The following PIP5K1C variants were observed in gnomAD, a reference collection of about 807,000 sequenced individuals.
PIP5K1C encodes the protein phosphatidylinositol-4-phosphate 5-kinase type 1 gamma.
In PIP5K1C, 45 loss-of-function variants were observed where a neutral mutation model predicts 80.1. The observed-to-expected ratio is 0.56, with a 90% CI of 0.44 to 0.72. The LOEUF (loss-of-function observed/expected upper bound fraction) is 0.72, where lower values mean the gene tolerates loss of function less well. Among genes scored for constraint, PIP5K1C ranks in the 30% least tolerant of loss-of-function variants. The pLI, the probability that PIP5K1C is intolerant of heterozygous loss-of-function variation, is 0.00. For missense variants in PIP5K1C, 753 were observed against 954.6 expected (o/e 0.79, Z 2.78); for synonymous variants, 498 against 420.1 (o/e 1.19, Z -2.27).
chr19:3,649,905 C>T (rs1352188713), intron 8 of PIP5K1C: 5 of 274,822 alleles, frequency 1.8e-5, no homozygotes, highest in African/African-American at 4.6e-5. Context: ...TGAGGCCACA[C>T]GTGCAGCAGT....
intron 6 of PIP5K1C, 96 bp from the exon 7 acceptor site, chr19:3,653,685 C>G: frequency 8.5e-7 from 1 of 1,175,114 alleles, no homozygotes; most frequent in Non-Finnish European, 1.2e-6. Flanking sequence ...CTCATGGATG[C>G]CCCTGGCCAG....
Position 3,633,501 on chromosome 19 carries a change from C to T in PIP5K1C, c.1940G>A (p.Trp647Ter), listed in dbSNP as rs761112659. ...GCTATAGTGGAGCGGGGAGTACACC[C>T]AGCTCCTCTCATCGGTGGGCTGGCA... is the stretch of plus-strand genomic sequence containing the variant. ...DIYFPTDERSWVYSPLHYSAQ... is the reference protein window; with the variant it reads ...DIYFPTDERS Residue 647 changes from tryptophan to a stop codon, truncating the protein, a stop_gained, in exon 17 of 18, where the codon TGG becomes TAG. Coordinates refer to ENST00000335312, the MANE Select transcript of PIP5K1C (RefSeq NM_012398.3). LOFTEE classifies it high-confidence loss of function. The T allele has an allele frequency of 1.3e-6, 2 of 1,499,548 alleles. No homozygotes were observed. Among genetic ancestry groups the T allele is most frequent in the South Asian group, 1.4e-5 (1 of 72,770 alleles). The allele number at this position is 1,499,548 out of a possible 1,614,324, so 92.9% of individuals were successfully genotyped here.
chr19:3,645,821 T>TCTC (rs2034189423), intron 11 of PIP5K1C, among the ~76,000 whole-genome samples, 153 bp downstream of exon 11: 1 of 151,970 alleles, frequency 6.6e-6, no homozygotes, highest in Admixed American at 6.5e-5. Context: ...CTACCCTACC[T>TCTC]CCGGATGAGG....
At chr19:3,697,045 T>TGGACCGGGGAGGACC in intron 1 of PIP5K1C, among the ~76,000 whole-genome samples, 1 of 140,460 alleles carries the variant, frequency 7.1e-6, no homozygotes, top group East Asian at 2.2e-4. Flanking sequence ...AAAGGAGGAC[T>TGGACCGGGGAGGACC]GAGCTGGACC....
At chr19:3,643,184 GCCCCGCC>G in intron 13 of PIP5K1C, 52 bp downstream of exon 13, 1 of 1,603,606 alleles carries the variant, frequency 6.2e-7, no homozygotes, top group Non-Finnish European at 8.5e-7. Flanking sequence ...TGCAGTGAAT[GCCCCGCC>G]CCCACGCACA....
At position 3,660,993 on chromosome 19, in the gene PIP5K1C, G is replaced by A. The variant is rs771293871; in HGVS notation, c.441C>T (p.Leu147=). ...APVAFRYFRE[L]FGIRPDDYLY... ...AGTAATCATCTGGCCGGATCCCAAA[G>A]AGCTCCCGGAAGTAGCGGAAGGCGA... Residue 147 remains leucine, a synonymous_variant, in exon 5 of 18, where the codon CTC becomes CTT. Transcript: ENST00000335312. 2 of 1,613,850 alleles carry A rather than the reference G, an allele frequency of 1.2e-6. No individual in the cohort carries two copies. The highest frequency in any genetic ancestry group is 2.2e-5 in the South Asian group (2 of 91,066).
chr19:3,644,817 CTGTG>C (rs560870739), intron 11 of PIP5K1C, among the ~76,000 whole-genome samples: 1 of 152,208 alleles, frequency 6.6e-6, no homozygotes, highest in African/African-American at 2.4e-5. Flanking sequence ...GTCCTCAGTG[CTGTG>C]TGAGCTCTGC....
intron 1 of PIP5K1C, among the ~76,000 whole-genome samples, chr19:3,672,022 C>G (rs941095041): frequency 6.6e-6 from 1 of 152,196 alleles, no homozygotes; most frequent in Non-Finnish European, 1.5e-5. Context: ...GGCGGGGGCT[C>G]TGCCGCTGGG....
In PIP5K1C at chr19:3,637,621, G is replaced by A. The variant is rs1156594212; in HGVS notation, c.1920+1263C>T. On this transcript the variant is annotated intron_variant, in intron 16 of 17. Coordinates refer to ENST00000335312, the MANE Select transcript of PIP5K1C (RefSeq NM_012398.3). The surrounding 1 kb of genome is among the most constrained non-coding windows in gnomAD (Gnocchi z 7.0). ...GTACCTCCCATCCGTGAACTGGACGGGGCGGGCCGGGTGGGCCGGAGGAGG... is the reference window on the plus strand; with the variant it reads ...GTACCTCCCATCCGTGAACTGGACGAGGCGGGCCGGGTGGGCCGGAGGAGG... 1 of 1,523,278 alleles carries A rather than the reference G, an allele frequency of 6.6e-7. No homozygotes were observed. Among genetic ancestry groups the A allele is most frequent in the African/African-American group, 1.4e-5 (1 of 72,740 alleles). The allele number at this position is 1,523,278 out of a possible 1,614,324, so 94.4% of individuals were successfully genotyped here. A position where few individuals can be genotyped will look rare whatever the true frequency, so the allele number is the denominator to read the frequency against.
intron 12 of PIP5K1C, 24 bp downstream of exon 12, chr19:3,644,063 C>T (rs757253119): frequency 3.0e-5 from 48 of 1,608,920 alleles, no homozygotes; most frequent in Non-Finnish European, 3.4e-5. Flanking sequence ...CGCCCACAAG[C>T]GCACTCTGCC....
At chr19:3,634,721 G>A (rs935185951) in intron 16 of PIP5K1C, among the ~76,000 whole-genome samples, 1 of 152,202 alleles carries the variant, frequency 6.6e-6, no homozygotes, top group African/African-American at 2.4e-5. Flanking sequence ...TCACCTGCAG[G>A]AGCACTGCCT....
Position 3,653,281 on chromosome 19 carries a change from A to G in PIP5K1C, c.921+9T>C. The G allele has an allele frequency of 1.9e-6, 3 of 1,603,626 alleles. No individual in the cohort carries two copies. The highest frequency in any genetic ancestry group is 2.5e-6 in the Non-Finnish European group (3 of 1,179,566). On this transcript the variant is annotated intron_variant, in intron 7 of 17. Transcript: ENST00000335312. ...CACCCTCCCTCCCCGGCCGGGGCCG[A>G]GCCCTCACCAGGCAGTCCCGCTGCA...
Position 3,637,475 on chromosome 19 carries a change from C to T in PIP5K1C, c.1920+1409G>A, listed in dbSNP as rs1313106692. ...TGAGCTTCCGGCCGGGGACCTGCGGCTCCCTGCTGCCCGAGGGGCACTGCC... is the reference window on the plus strand; with the variant it reads ...TGAGCTTCCGGCCGGGGACCTGCGGTTCCCTGCTGCCCGAGGGGCACTGCC... On this transcript the variant is annotated intron_variant, in intron 16 of 17. Coordinates refer to ENST00000335312, the MANE Select transcript of PIP5K1C (RefSeq NM_012398.3). This position sits in a 1 kb window ranked among gnomAD's most constrained non-coding sequence, Gnocchi z 7.0. 100 of 1,535,590 alleles carry T rather than the reference C, an allele frequency of 6.5e-5. No individual in the cohort carries two copies. The highest frequency in any genetic ancestry group is 8.2e-5 in the Non-Finnish European group (94 of 1,146,802).
chr19:3,682,823 G>A (rs1225160801), intron 1 of PIP5K1C, among the ~76,000 whole-genome samples: 1 of 152,202 alleles, frequency 6.6e-6, no homozygotes, highest in Non-Finnish European at 1.5e-5. Flanking sequence ...CCCCGAGCCA[G>A]GACCACCCAG....
intron 1 of PIP5K1C, among the ~76,000 whole-genome samples, chr19:3,676,099 G>A (rs1034032124): frequency 6.6e-6 from 1 of 152,240 alleles, no homozygotes; most frequent in East Asian, 1.9e-4. Context: ...GAGGCTGGGA[G>A]AGGTGGAAGG....
chr19:3,660,198 G>A (rs1356247080), intron 5 of PIP5K1C, among the ~76,000 whole-genome samples: 2 of 152,152 alleles, frequency 1.3e-5, no homozygotes, highest in Non-Finnish European at 2.9e-5. Flanking sequence ...GGCTGACACG[G>A]TGAAACCCCG....
intron 1 of PIP5K1C, among the ~76,000 whole-genome samples, chr19:3,670,218 C>T (rs920256173): frequency 4.6e-5 from 7 of 152,148 alleles, no homozygotes; most frequent in African/African-American, 7.2e-5. Flanking sequence ...CCTGAGGGTG[C>T]GGGGTTGGAC....
rs1182604578 is a variant in PIP5K1C at position 3,653,597 on chromosome 19, G to T, written c.622-8C>A. On this transcript the variant is annotated splice_polypyrimidine_tract_variant and splice_region_variant and intron_variant, in intron 6 of 17. Coordinates refer to ENST00000335312, the MANE Select transcript of PIP5K1C (RefSeq NM_012398.3). ...CGGGTTCTGGTTGAGGTTCTGCCGG[G>T]GGAAGAGGGCAAGTCGTGGAGGGCG... The T allele has an allele frequency of 1.9e-6, 3 of 1,603,896 alleles. No individual in the cohort carries two copies. Among genetic ancestry groups the T allele is most frequent in the Admixed American group, 3.3e-5 (2 of 59,798 alleles).
intron 3 of PIP5K1C, among the ~76,000 whole-genome samples, chr19:3,663,530 T>C (rs952612915): frequency 2.0e-5 from 3 of 151,952 alleles, no homozygotes; most frequent in Admixed American, 6.6e-5. Flanking sequence ...GGAAAGCACA[T>C]CAAACCACAG....
Sources: allele counts gnomAD v4.1 joint callset (sites outside exome capture counted in the v4.1 genomes callset), GRCh38; gene constraint gnomAD v4.1.1; non-coding constraint Gnocchi (gnomAD v3.1); transcripts MANE v1.5; gene names NCBI Gene and HGNC (gene_info 2026-07-23, HGNC 2026-07-21).